TRIM9: variants seen among roughly 807,000 people sequenced by gnomAD.
The protein encoded by TRIM9 is E3 ubiquitin-protein ligase TRIM9.
TRIM9 carries 26 observed loss-of-function variants against 78.3 expected under a neutral mutation model. That is an observed-to-expected ratio of 0.33 (90% CI 0.24 to 0.46). The LOEUF is 0.46. TRIM9 is among the 20% of genes least tolerant of loss of function. The pLI is 1.00. For missense variants in TRIM9, 787 were observed against 1,036.4 expected (o/e 0.76, Z 3.30); for synonymous variants, 398 against 416.5 (o/e 0.96, Z 0.54).
At chr14:50,984,867 T>C (rs1170439335) in intron 8 of TRIM9, among the ~76,000 whole-genome samples, 1 of 152,184 alleles carries the variant, frequency 6.6e-6, no homozygotes, top group East Asian at 1.9e-4. Context: ...GAAAAGAGTT[T>C]CATAACAAAG....
At chr14:51,011,169 A>G (rs2056528354) in intron 3 of TRIM9, among the ~76,000 whole-genome samples, 1 of 152,226 alleles carries the variant, frequency 6.6e-6, no homozygotes, top group Non-Finnish European at 1.5e-5. Context: ...GCAGTTGTAA[A>G]GGCTGCTCAT....
At chr14:51,068,513 G>A (rs935254163) in intron 1 of TRIM9, among the ~76,000 whole-genome samples, 1 of 152,146 alleles carries the variant, frequency 6.6e-6, no homozygotes, top group Admixed American at 6.5e-5. Context: ...ACTTTATGTG[G>A]AAAACATCAG....
chr14:51,057,519 A>G (rs965941509), intron 1 of TRIM9, among the ~76,000 whole-genome samples: 6 of 152,252 alleles, frequency 3.9e-5, no homozygotes, highest in Admixed American at 3.9e-4. Flanking sequence ...AAAATAAAAG[A>G]TACTAAATTG....
rs1328797003 is a variant in TRIM9 at position 50,976,101 on chromosome 14, C to A, written c.*1190G>T. ...CCCATTACTGAGAATGGGTCCTTTG[C>A]CCTCTGGTCACTCTTTTTTTTTTCA... On this transcript the variant is annotated 3_prime_UTR_variant, in exon 13 of 13. Coordinates refer to ENST00000684578, the MANE Select transcript of TRIM9 (RefSeq NM_001387360.1). The A allele has an allele frequency of 6.6e-6, 1 of 152,536 alleles. No homozygotes were observed. The highest frequency in any genetic ancestry group is 1.5e-5 in the Non-Finnish European group (1 of 68,022). 9.4% of individuals were successfully genotyped at this position (152,536 alleles called of 1,614,324 possible).
chr14:50,981,974 A>G lies in TRIM9; in HGVS notation c.1988T>C (p.Ile663Thr). The G allele has an allele frequency of 3.7e-6, 6 of 1,614,144 alleles. No individual in the cohort carries two copies. Among genetic ancestry groups the G allele is most frequent in the Non-Finnish European group, 5.1e-6 (6 of 1,180,010 alleles). ...ATCTACCGTGAGCTCCCAGTAGTGG[A>G]TGCCCTTGGAGAAGCCAGTCTTCCC... ...VLGKTGFSKG[I>T]HYWELTVDRY... The change falls in exon 11 of 13, where the codon ATC becomes ACC. Residue 663 changes from isoleucine (I) to threonine (T), a missense_variant. Ile to Thr is a moderately conservative substitution (Grantham distance 89). Around this residue, in one of 3 missense-constraint regions of TRIM9, gnomAD observed 421 missense variants for 514.3 expected, o/e 0.82. Coordinates refer to ENST00000684578, the MANE Select transcript of TRIM9 (RefSeq NM_001387360.1).
intron 1 of TRIM9, among the ~76,000 whole-genome samples, chr14:51,047,892 C>A (rs2060074437): frequency 1.3e-5 from 2 of 151,790 alleles, no homozygotes; most frequent in South Asian, 4.2e-4. Flanking sequence ...TTTTAGAAAT[C>A]TCCTTAGCAG....
chr14:51,041,386 G>C (rs1266567212), intron 1 of TRIM9, among the ~76,000 whole-genome samples: 3 of 152,252 alleles, frequency 2.0e-5, no homozygotes. Context: ...CCAGAACAAA[G>C]TGCAGGGAAA....
chr14:50,979,657 T>A, intron 11 of TRIM9, 108 bp from the exon 12 acceptor site: 2 of 909,750 alleles, frequency 2.2e-6, no homozygotes, highest in Non-Finnish European at 3.5e-6. Context: ...TAATCATCAC[T>A]ACCCCAAAAC....
rs758496472 is a variant in TRIM9 at position 50,985,972 on chromosome 14, C to T, written c.1776G>A (p.Gln592=). Residue 592 remains glutamine, a synonymous_variant, in exon 8 of 13, where the codon CAG becomes CAA. Coordinates refer to ENST00000684578, the MANE Select transcript of TRIM9 (RefSeq NM_001387360.1). The stretch of plus-strand genomic sequence containing the variant: ...TCAGCTCACCCGGTGCATTGAGAGA[C>T]TGTAAAGAGGAATGCAAGCTCAGCT... ...PHQLSLHSSL[Q]SLNAPGCNFE... 13 of 1,541,424 alleles carry T rather than the reference C, an allele frequency of 8.4e-6. No homozygotes were observed. In the South Asian group the frequency reaches 1.6e-4, roughly 19 times the overall value.
At chr14:51,001,090 A>T (rs1387191993) in intron 5 of TRIM9, among the ~76,000 whole-genome samples, 2 of 152,184 alleles carry the variant, frequency 1.3e-5, no homozygotes, top group African/African-American at 4.8e-5. Context: ...AGACAGGCAG[A>T]TTCACAGAAC....
chr14:51,065,960 C>T (rs1306761611), intron 1 of TRIM9, among the ~76,000 whole-genome samples: 1 of 151,740 alleles, frequency 6.6e-6, no homozygotes, highest in African/African-American at 2.4e-5. Flanking sequence ...AGCCGTTAGT[C>T]CCAGCATCAA....
At chr14:51,047,313 G>C (rs2060023620) in intron 1 of TRIM9, among the ~76,000 whole-genome samples, 1 of 152,152 alleles carries the variant, frequency 6.6e-6, no homozygotes, top group Non-Finnish European at 1.5e-5. Flanking sequence ...CCCCAGGTAA[G>C]ACAGTCAGTC....
intron 7 of TRIM9, chr14:50,996,558 C>T (rs2054229092): frequency 1.0e-6 from 1 of 985,438 alleles, no homozygotes; most frequent in Non-Finnish European, 1.2e-6. Context: ...TCTCTCTGCT[C>T]TGCAGGCATG....
At chr14:51,003,935 A>G (rs2139565132) in intron 5 of TRIM9, among the ~76,000 whole-genome samples, 1 of 152,320 alleles carries the variant, frequency 6.6e-6, no homozygotes, top group South Asian at 2.1e-4. Flanking sequence ...TATATTTTAT[A>G]GTGGGTGTTA....
chr14:51,042,879 C>A (rs1197127514), intron 1 of TRIM9, among the ~76,000 whole-genome samples: 1 of 152,144 alleles, frequency 6.6e-6, no homozygotes, highest in Non-Finnish European at 1.5e-5. Flanking sequence ...ACACAACCTC[C>A]CCTGCCTCCT....
chr14:51,041,008 T>C (rs559102532), intron 1 of TRIM9, among the ~76,000 whole-genome samples: 2 of 152,362 alleles, frequency 1.3e-5, no homozygotes, highest in South Asian at 4.1e-4. Flanking sequence ...TCAGTACTTA[T>C]AGGTCAATTT....
At chr14:51,078,456 CAGATAAAG>C (rs2063001365) in intron 1 of TRIM9, among the ~76,000 whole-genome samples, 1 of 151,894 alleles carries the variant, frequency 6.6e-6, no homozygotes, top group African/African-American at 2.4e-5. Flanking sequence ...AACAGACAAA[CAGATAAAG>C]AAAATATGGT....
intron 1 of TRIM9, among the ~76,000 whole-genome samples, chr14:51,038,570 A>T (rs1466590559): frequency 1.3e-5 from 2 of 152,240 alleles, no homozygotes; most frequent in East Asian, 3.8e-4. Flanking sequence ...CAAAACGACC[A>T]CAAAGAATAT....
chr14:51,006,314 A>C (rs1417444436), intron 5 of TRIM9, among the ~76,000 whole-genome samples: 1 of 152,148 alleles, frequency 6.6e-6, no homozygotes, highest in African/African-American at 2.4e-5. Context: ...TTCTTGACAT[A>C]TTTTTTACTG....
Sources: allele counts gnomAD v4.1 joint callset (sites outside exome capture counted in the v4.1 genomes callset), GRCh38; gene constraint gnomAD v4.1.1; regional missense constraint gnomAD v4.1.1; transcripts MANE v1.5; gene names NCBI Gene and HGNC (gene_info 2026-07-23, HGNC 2026-07-21).